The following GRM8 variants were observed in gnomAD, a reference collection of about 807,000 sequenced individuals.
The protein encoded by GRM8 is glutamate metabotropic receptor 8.
Under a neutral mutation model 87.2 loss-of-function variants are expected in GRM8, and 47 were observed. That is an observed-to-expected ratio of 0.54 (90% CI 0.43 to 0.69). The LOEUF (loss-of-function observed/expected upper bound fraction) is 0.69, where lower values mean the gene tolerates loss of function less well. Ranked by LOEUF, GRM8 falls within the 30% of genes least tolerant of loss-of-function variation. GRM8 has a pLI of 0.00. For missense variants in GRM8, 1,019 were observed against 1,139.2 expected (o/e 0.89, Z 1.52); for synonymous variants, 396 against 404.5 (o/e 0.98, Z 0.25).
At chr7:126,957,944 T>G (rs1215002993) in intron 3 of GRM8, among the ~76,000 whole-genome samples, 1 of 152,142 alleles carries the variant, frequency 6.6e-6, no homozygotes, top group African/African-American at 2.4e-5. Context: ...TGGCCACCCA[T>G]GGACCAACCA....
At chr7:126,789,765 C>T (rs1821072446) in intron 6 of GRM8, among the ~76,000 whole-genome samples, 2 of 152,242 alleles carry the variant, frequency 1.3e-5, no homozygotes, top group East Asian at 1.9e-4. Flanking sequence ...GTGCAAGTTG[C>T]TTTTTGCTAC....
intron 6 of GRM8, among the ~76,000 whole-genome samples, chr7:126,791,116 T>C (rs972373980): frequency 2.6e-5 from 4 of 152,068 alleles, no homozygotes; most frequent in African/African-American, 9.7e-5. Flanking sequence ...ACCCAGACAA[T>C]GTGCAATAAT....
chr7:126,803,597 T>A (rs1346486064), intron 6 of GRM8, among the ~76,000 whole-genome samples: 1 of 152,218 alleles, frequency 6.6e-6, no homozygotes, highest in Non-Finnish European at 1.5e-5. Context: ...TCAGAGATGA[T>A]CTTTGCCTTT....
Position 126,676,941 on chromosome 7 carries a change from G to A in GRM8, c.1358-67443C>T, listed in dbSNP as rs143349931. ...AGTAAACATACAACCCACAAAATGCGAGAAAATATTTGCAAACTATACAAT... is the reference window on the plus strand; with the variant it reads ...AGTAAACATACAACCCACAAAATGCAAGAAAATATTTGCAAACTATACAAT... On this transcript the variant is annotated intron_variant, in intron 7 of 10. Transcript: ENST00000339582. Among the ~76,000 whole-genome samples, 426 of 152,212 alleles carry A rather than the reference G, an allele frequency of 2.8e-3. 3 individuals carry two copies. Among genetic ancestry groups the A allele is most frequent in the African/African-American group, 9.8e-3 (405 of 41,536 alleles).
intron 8 of GRM8, among the ~76,000 whole-genome samples, chr7:126,561,985 C>A (rs1305451545): frequency 1.3e-5 from 2 of 151,940 alleles, no homozygotes; most frequent in African/African-American, 4.8e-5. Flanking sequence ...TATATTTATT[C>A]ATTTCTTTCA....
At chr7:126,726,876 A>T (rs1226004183) in intron 7 of GRM8, among the ~76,000 whole-genome samples, 1 of 152,068 alleles carries the variant, frequency 6.6e-6, no homozygotes, top group East Asian at 1.9e-4. Flanking sequence ...AGAAAAAAAA[A>T]CCATTTCTGG....
chr7:126,962,402 T>G (rs1023908163), intron 3 of GRM8, among the ~76,000 whole-genome samples: 1 of 152,240 alleles, frequency 6.6e-6, no homozygotes, highest in African/African-American at 2.4e-5. Context: ...AATAAGATTA[T>G]AGCACCAGGA....
intron 7 of GRM8, among the ~76,000 whole-genome samples, chr7:126,680,504 A>G (rs886805634): frequency 6.6e-6 from 1 of 152,196 alleles, no homozygotes; most frequent in Non-Finnish European, 1.5e-5. Context: ...AGTGCAGTAT[A>G]TTTCTACATT....
At chr7:126,892,880 A>G (rs1801188989) in intron 6 of GRM8, among the ~76,000 whole-genome samples, 1 of 152,060 alleles carries the variant, frequency 6.6e-6, no homozygotes, top group South Asian at 2.1e-4. Flanking sequence ...CATTTCTCTG[A>G]TGGCCAGTGA....
At chr7:127,050,688 G>A (rs1195530443) in intron 3 of GRM8, among the ~76,000 whole-genome samples, 3 of 152,182 alleles carry the variant, frequency 2.0e-5, no homozygotes, top group Admixed American at 6.5e-5. Context: ...AAAGAGTTGT[G>A]CATCAAAGAC....
intron 7 of GRM8, 43 bp downstream of exon 7, chr7:126,769,822 T>C (rs777883600): frequency 6.1e-6 from 8 of 1,301,658 alleles, no homozygotes; most frequent in Non-Finnish European, 7.8e-6. Flanking sequence ...AAACACACCC[T>C]GTCGCTTTTA....
At position 127,224,314 on chromosome 7, in the gene GRM8, T is replaced by C. The variant is rs186766056; in HGVS notation, c.510+18381A>G. Among the ~76,000 whole-genome samples, 3 of 152,246 alleles carry C rather than the reference T, an allele frequency of 2.0e-5. No homozygotes were observed. In the East Asian group the frequency reaches 5.8e-4, roughly 29 times the overall value. ...CTTGACAGTAGCCAGAGAGAAATGA[T>C]GCATGAAGCCATAGGGGAAGAACAA... On this transcript the variant is annotated intron_variant, in intron 2 of 10. Transcript: ENST00000339582.
At chr7:127,067,256 A>C (rs1184738280) in intron 3 of GRM8, among the ~76,000 whole-genome samples, 1 of 152,162 alleles carries the variant, frequency 6.6e-6, no homozygotes, top group Non-Finnish European at 1.5e-5. Flanking sequence ...GAGCAAAAAA[A>C]TGCTTGTTTC....
chr7:127,091,775 C>T (rs996337400), intron 3 of GRM8, among the ~76,000 whole-genome samples: 1 of 139,410 alleles, frequency 7.2e-6, no homozygotes, highest in Non-Finnish European at 1.6e-5. Context: ...ATCCCTCCGC[C>T]GTCCCACTGA....
intron 2 of GRM8, among the ~76,000 whole-genome samples, chr7:127,163,421 T>C (rs1793241410): frequency 6.6e-6 from 1 of 152,192 alleles, no homozygotes; most frequent in Admixed American, 6.5e-5. Context: ...CTGGCAGAAC[T>C]CTCCTACAAA....
At chr7:127,099,163 G>A (rs1824977740) in intron 3 of GRM8, among the ~76,000 whole-genome samples, 1 of 152,154 alleles carries the variant, frequency 6.6e-6, no homozygotes, top group Non-Finnish European at 1.5e-5. Context: ...AAAAGCATGA[G>A]TGAATATTAT....
chr7:126,660,083 T>C (rs1043061020), intron 7 of GRM8, among the ~76,000 whole-genome samples: 1 of 152,226 alleles, frequency 6.6e-6, no homozygotes, highest in Non-Finnish European at 1.5e-5. Flanking sequence ...CTTTTGTTTT[T>C]GGTGACAAGT....
chr7:126,531,697 T>C (rs1814845889), intron 9 of GRM8, among the ~76,000 whole-genome samples: 1 of 152,250 alleles, frequency 6.6e-6, no homozygotes, highest in Non-Finnish European at 1.5e-5. Flanking sequence ...CACAAGTTTA[T>C]TCTCTTCAGC....
At chr7:127,100,962 A>G (rs1825187087) in intron 3 of GRM8, among the ~76,000 whole-genome samples, 1 of 152,162 alleles carries the variant, frequency 6.6e-6, no homozygotes, top group Non-Finnish European at 1.5e-5. Context: ...TCTATATCTC[A>G]GTTCCTGCTT....
Sources: allele counts gnomAD v4.1 joint callset (sites outside exome capture counted in the v4.1 genomes callset), GRCh38; gene constraint gnomAD v4.1.1; transcripts MANE v1.5; gene names NCBI Gene and HGNC (gene_info 2026-07-23, HGNC 2026-07-21).